Variants in MOSMO observed in about 807,000 individuals in gnomAD.
The protein encoded by MOSMO is modulator of smoothened protein.
A neutral mutation model predicts 18.4 loss-of-function variants in MOSMO; 5 were observed. That is an observed-to-expected ratio of 0.27 (90% CI 0.14 to 0.57). MOSMO has a LOEUF of 0.57. Ranked by LOEUF, MOSMO falls within the 20% of genes least tolerant of loss-of-function variation. The probability of loss-of-function intolerance (pLI) is 0.92; values close to 1 mark genes in which losing one functional copy is unlikely to be tolerated. For missense variants in MOSMO, 138 were observed against 211.8 expected (o/e 0.65, Z 2.16); for synonymous variants, 82 against 82.3 (o/e 1.00, Z 0.02).
chr16:22,077,967 G>A (rs574743755), intron 2 of MOSMO, among the ~76,000 whole-genome samples: 3 of 152,022 alleles, frequency 2.0e-5, no homozygotes, highest in African/African-American at 7.2e-5. Context: ...TTCTATTCCC[G>A]TTAAGCTATA....
At position 22,080,962 on chromosome 16, in the gene MOSMO, G is replaced by A. The variant is rs961276379; in HGVS notation, c.*82G>A. The A allele has an allele frequency of 1.3e-5, 8 of 616,700 alleles. No individual in the cohort carries two copies. The highest frequency in any genetic ancestry group is 1.0e-4 in the East Asian group (3 of 29,430). The allele number at this position is 616,700 out of a possible 1,614,324, so 38.2% of individuals were successfully genotyped here. The stretch of plus-strand genomic sequence containing the variant: ...TTTGGAGGGTGGAGAGGACAAAGGC[G>A]AGGCATCTGAGCAGGCCTCTCATGG... On this transcript the variant is annotated 3_prime_UTR_variant, in exon 3 of 3. Coordinates refer to ENST00000542527, the MANE Select transcript of MOSMO (RefSeq NM_001164579.2).
At chr16:22,041,319 G>A (rs1900206108) in intron 1 of MOSMO, among the ~76,000 whole-genome samples, 1 of 152,174 alleles carries the variant, frequency 6.6e-6, no homozygotes, top group Non-Finnish European at 1.5e-5. Context: ...AGTTTAGAGA[G>A]AGAGCAGAAA....
At chr16:22,039,490 T>TA (rs1390700689) in intron 1 of MOSMO, among the ~76,000 whole-genome samples, 1 of 152,096 alleles carries the variant, frequency 6.6e-6, no homozygotes, top group Non-Finnish European at 1.5e-5. Context: ...GGTTGGAAAG[T>TA]TAGGTTTGGA....
chr16:22,085,302 A>G (rs933226581), downstream of MOSMO: 12 of 152,142 alleles, frequency 7.9e-5, no homozygotes, highest in African/African-American at 2.9e-4. Context: ...CTTGGGTTCT[A>G]AGATTAAGGG....
chr16:22,032,530 T>C (rs1900017343), intron 1 of MOSMO, among the ~76,000 whole-genome samples: 1 of 152,122 alleles, frequency 6.6e-6, no homozygotes, highest in African/African-American at 2.4e-5. Context: ...GTCTTTAATA[T>C]TGAATTGTAA....
chr16:22,026,651 G>T (rs1042047762), intron 1 of MOSMO, among the ~76,000 whole-genome samples: 4 of 152,124 alleles, frequency 2.6e-5, no homozygotes, highest in Admixed American at 6.6e-5. Flanking sequence ...GTGAAATAGC[G>T]GAAATGAGTA....
In MOSMO at chr16:22,083,879, T is replaced by A. The variant is rs925925660; in HGVS notation, c.*2999T>A. ...TGATTCTTTCCAAAGGTAATCCATG[T>A]TCTATGTTGTTAATGTGTGTATGTA... On this transcript the variant is annotated 3_prime_UTR_variant, in exon 3 of 3. Transcript: ENST00000542527. 1 of 342,818 alleles carries A rather than the reference T, an allele frequency of 2.9e-6. No individual in the cohort carries two copies. Among genetic ancestry groups the A allele is most frequent in the Non-Finnish European group, 5.6e-6 (1 of 178,330 alleles). 21.2% of individuals were successfully genotyped at this position (342,818 alleles called of 1,614,324 possible).
Position 22,080,966 on chromosome 16 carries a change from C to A in MOSMO, c.*86C>A. On this transcript the variant is annotated 3_prime_UTR_variant, in exon 3 of 3. Coordinates refer to ENST00000542527, the MANE Select transcript of MOSMO (RefSeq NM_001164579.2). Reference sequence around the variant, plus strand: ...GAGGGTGGAGAGGACAAAGGCGAGGCATCTGAGCAGGCCTCTCATGGGAAG... The same window carrying A: ...GAGGGTGGAGAGGACAAAGGCGAGGAATCTGAGCAGGCCTCTCATGGGAAG... 1 of 590,780 alleles carries A rather than the reference C, an allele frequency of 1.7e-6. No individual in the cohort carries two copies. The highest frequency in any genetic ancestry group is 2.5e-6 in the Non-Finnish European group (1 of 397,354). The allele number at this position is 590,780 out of a possible 1,614,324, so 36.6% of individuals were successfully genotyped here. A position where few individuals can be genotyped will look rare whatever the true frequency, so the allele number is the denominator to read the frequency against.
intron 1 of MOSMO, among the ~76,000 whole-genome samples, chr16:22,073,836 C>T (rs1453758086): frequency 6.6e-6 from 1 of 151,900 alleles, no homozygotes; most frequent in African/African-American, 2.4e-5. Flanking sequence ...TTCCTCCTGC[C>T]TGTGATAACC....
chr16:22,071,792 A>G (rs935759496), intron 1 of MOSMO, among the ~76,000 whole-genome samples: 3 of 152,146 alleles, frequency 2.0e-5, no homozygotes, highest in Admixed American at 2.0e-4. Flanking sequence ...TGGGGAATGG[A>G]ATTACAGGCC....
intron 1 of MOSMO, among the ~76,000 whole-genome samples, chr16:22,059,597 G>A (rs754130144): frequency 2.0e-5 from 3 of 152,112 alleles, no homozygotes; most frequent in African/African-American, 7.2e-5. Context: ...GAAGGTGAAG[G>A]GGAAGCAAGG....
intron 1 of MOSMO, among the ~76,000 whole-genome samples, chr16:22,036,600 A>G (rs1900114234): frequency 6.6e-6 from 1 of 152,038 alleles, no homozygotes; most frequent in South Asian, 2.1e-4. Flanking sequence ...GGTGTGCACT[A>G]CCGTGCCCAG....
In MOSMO at chr16:22,081,539, TG is replaced by T. The variant is rs1555523760; in HGVS notation, c.*662del. ...CACTAAGACACATGTTTTGGGTGGG[TG>T]GGTGGGGGAAATCTTCCTTATATTT... On this transcript the variant is annotated 3_prime_UTR_variant, in exon 3 of 3. Coordinates refer to ENST00000542527, the MANE Select transcript of MOSMO (RefSeq NM_001164579.2). The T allele has an allele frequency of 2.2e-4, 1 of 4,614 alleles. No individual in the cohort carries two copies. Among genetic ancestry groups the T allele is most frequent in the Non-Finnish European group, 4.2e-4 (1 of 2,370 alleles). 0.3% of individuals were successfully genotyped at this position (4,614 alleles called of 1,614,324 possible).
At chr16:22,060,907 A>G (rs1468059564) in intron 1 of MOSMO, among the ~76,000 whole-genome samples, 1 of 152,074 alleles carries the variant, frequency 6.6e-6, no homozygotes, top group African/African-American at 2.4e-5. Context: ...AAGTACAGCT[A>G]CTTTAGCAAA....
intron 1 of MOSMO, among the ~76,000 whole-genome samples, chr16:22,035,396 AT>A (rs1160059034): frequency 0.014 from 1,835 of 133,244 alleles, 5 homozygotes; most frequent in Middle Eastern, 0.036. Context: ...GCAGGAGGGG[AT>A]TTTTTTTTTT....
At chr16:22,017,587 A>T (rs1899666583) in intron 1 of MOSMO, among the ~76,000 whole-genome samples, 1 of 152,170 alleles carries the variant, frequency 6.6e-6, no homozygotes, top group South Asian at 2.1e-4. Context: ...CTACAAACTG[A>T]TGAAAAAGTA....
In MOSMO at chr16:22,008,282, G is replaced by T. The variant is rs772828934; in HGVS notation, c.-20G>T. On this transcript the variant is annotated 5_prime_UTR_variant, in exon 1 of 3. Coordinates refer to ENST00000542527, the MANE Select transcript of MOSMO (RefSeq NM_001164579.2). ...GCTGCCTGTCCGGGGCTCGGGGGGT[G>T]GGGGGAGCGGGGCGGGGAGATGGAT... 8 of 1,467,656 alleles carry T rather than the reference G, an allele frequency of 5.5e-6. No homozygotes were observed. Among genetic ancestry groups the T allele is most frequent in the East Asian group, 5.3e-5 (2 of 37,852 alleles). The allele number at this position is 1,467,656 out of a possible 1,614,324, so 90.9% of individuals were successfully genotyped here. A position where few individuals can be genotyped will look rare whatever the true frequency, so the allele number is the denominator to read the frequency against.
intron 1 of MOSMO, chr16:22,064,332 T>A (rs1333432322): frequency 2.2e-6 from 1 of 456,512 alleles, no homozygotes. Context: ...TCATTCTCTT[T>A]ACCAGTCTCA....
intron 1 of MOSMO, among the ~76,000 whole-genome samples, chr16:22,035,116 A>C (rs1450288978): frequency 3.9e-5 from 6 of 152,064 alleles, no homozygotes; most frequent in Non-Finnish European, 7.4e-5. Flanking sequence ...GTCAATATGA[A>C]TGACGGTAAG....
Sources: gnomAD v4.1 joint callset for allele counts (sites outside exome capture counted in the v4.1 genomes callset) on GRCh38, gnomAD v4.1.1 for gene constraint, MANE v1.5 for transcripts, NCBI Gene and HGNC (gene_info 2026-07-23, HGNC 2026-07-21) for gene names.